IRAG1: variants seen among roughly 807,000 people sequenced by gnomAD.
IRAG1 encodes the protein inositol 1,4,5-triphosphate receptor associated 1.
A neutral mutation model predicts 106.2 loss-of-function variants in IRAG1; 62 were observed. The ratio of observed to expected loss-of-function variants is 0.58; its 90% confidence interval spans 0.48 to 0.72. IRAG1 has a LOEUF of 0.72. IRAG1 is among the 30% of genes least tolerant of loss of function. The pLI is 0.00. For synonymous variants in IRAG1, 462 were observed against 443.9 expected (o/e 1.04, Z -0.51); for missense variants, 1,064 against 1,140.7 (o/e 0.93, Z 0.97).
At chr11:10,680,368 A>AGAAGGAAGGAAGGAAGGAAGGAAG (rs1554935659) in intron 1 of IRAG1, among the ~76,000 whole-genome samples, 1 of 80,918 alleles carries the variant, frequency 1.2e-5, no homozygotes, top group Non-Finnish European at 2.3e-5. Flanking sequence ...AAAGAAAGAA[A>AGAAGGAAGGAAGGAAGGAAGGAAG]GAAGGAAGGA....
At chr11:10,625,852 G>A in intron 9 of IRAG1, 114 bp downstream of exon 9, 1 of 1,113,446 alleles carries the variant, frequency 9.0e-7, no homozygotes, top group Non-Finnish European at 1.2e-6. Flanking sequence ...CCCTCACAAG[G>A]CCCAAGTCCA....
rs527319002 is a variant in IRAG1, at chr11:10,597,661, G to A, written c.2017+3257C>T. Among the ~76,000 whole-genome samples the A allele has an allele frequency of 2.5e-3, 376 of 152,192 alleles. 1 individual carries two copies. Among genetic ancestry groups the A allele is most frequent in the Middle Eastern group, 0.014 (4 of 294 alleles). ...CGTGAGCCACTGTACCCAGCTACCT[G>A]TAACAATTTTAAGCTTATCTTAAAA... On this transcript the variant is annotated intron_variant, in intron 15 of 20. Coordinates refer to ENST00000423302, the MANE Select transcript of IRAG1 (RefSeq NM_130385.4).
Position 10,576,468 on chromosome 11 carries a change from A to T in IRAG1, c.2603T>A (p.Val868Glu). Residue 868 changes from valine (V) to glutamate (E), a missense_variant, in exon 21 of 21, where the codon GTG becomes GAG. Coordinates refer to ENST00000423302, the MANE Select transcript of IRAG1 (RefSeq NM_130385.4). ...MAAVMLVLTV[V>E]LGLYNSYNSC... ...GTTATAGGAATTGTAGAGCCCCAGC[A>T]CAACAGTCAAGACCAGCATCACTGC... is the stretch of plus-strand genomic sequence containing the variant. 6.2e-7 allele frequency: 1 copy of T among 1,614,034 alleles called. No homozygotes were observed. Among genetic ancestry groups the T allele is most frequent in the Non-Finnish European group, 8.5e-7 (1 of 1,179,884 alleles).
chr11:10,635,079 G>T (rs1234136739), intron 2 of IRAG1, among the ~76,000 whole-genome samples: 1 of 152,150 alleles, frequency 6.6e-6, no homozygotes, highest in African/African-American at 2.4e-5. Flanking sequence ...CTCAGATTGA[G>T]GCCAGCCTGG....
intron 4 of IRAG1, among the ~76,000 whole-genome samples, chr11:10,631,718 C>T (rs908406148): frequency 6.6e-6 from 1 of 152,220 alleles, no homozygotes; most frequent in African/African-American, 2.4e-5. Context: ...ACTCTGCCCC[C>T]TAAACCCCAG....
At chr11:10,578,699 G>C (rs1200547612) in intron 20 of IRAG1, among the ~76,000 whole-genome samples, 1 of 152,334 alleles carries the variant, frequency 6.6e-6, no homozygotes, top group East Asian at 1.9e-4. Flanking sequence ...ATGACCAGGA[G>C]CTGGACAGAA....
chr11:10,607,811 G>T (rs529241360), intron 11 of IRAG1, among the ~76,000 whole-genome samples: 2 of 152,298 alleles, frequency 1.3e-5, no homozygotes, highest in East Asian at 1.9e-4. Context: ...GTCAGGATGA[G>T]AAGACCCCAT....
intron 3 of IRAG1, among the ~76,000 whole-genome samples, chr11:10,633,075 C>CTTTTTTTT (rs34222717): frequency 8.0e-6 from 1 of 124,852 alleles, no homozygotes; most frequent in Non-Finnish European, 1.6e-5. Flanking sequence ...TTCTTTCTTT[C>CTTTTTTTT]TTTTTTTTTT....
In IRAG1 at chr11:10,629,524, T is replaced by C; in HGVS notation, c.574+14A>G. On this transcript the variant is annotated intron_variant, in intron 5 of 20. Transcript: ENST00000423302. ...GGGGCTCAGGGCAGCCACCTGTACA[T>C]CCTGCCACCCTACCTGATGGGGAGT... 1 of 1,609,786 alleles carries C rather than the reference T, an allele frequency of 6.2e-7. No homozygotes were observed.
At chr11:10,674,563 C>A (rs886515504) in intron 1 of IRAG1, among the ~76,000 whole-genome samples, 1 of 152,186 alleles carries the variant, frequency 6.6e-6, no homozygotes, top group African/African-American at 2.4e-5. Flanking sequence ...ACACCAGCAC[C>A]ACTCCTCTGG....
chr11:10,633,308 C>T (rs1334964124), intron 3 of IRAG1, among the ~76,000 whole-genome samples: 4 of 152,128 alleles, frequency 2.6e-5, no homozygotes, highest in Non-Finnish European at 5.9e-5. Context: ...ATCTCCTGAC[C>T]TCATGATTCA....
In IRAG1 at chr11:10,652,168, C is replaced by A. The variant is rs369102187; in HGVS notation, c.82G>T (p.Ala28Ser). ...NNSVLACGAQ[A>S]SWSIFGADAA... Reference sequence around the variant, plus strand: ...TCAGCCCCAAAGATGCTCCAAGAGGCCTGGGCTCCACAGGCTGGGGAGATG... The same window carrying A: ...TCAGCCCCAAAGATGCTCCAAGAGGACTGGGCTCCACAGGCTGGGGAGATG... Residue 28 changes from alanine (A) to serine (S), a missense_variant, in exon 2 of 21, where the codon GCC becomes TCC. Physicochemically the swap from Ala to Ser is moderately conservative, Grantham distance 99. Coordinates refer to ENST00000423302, the MANE Select transcript of IRAG1 (RefSeq NM_130385.4). The A allele has an allele frequency of 3.7e-6, 6 of 1,613,714 alleles. No homozygotes were observed. The highest frequency in any genetic ancestry group is 3.3e-5 in the Admixed American group (2 of 59,990).
Position 10,647,724 on chromosome 11 carries a change from G to T in IRAG1, c.225+4301C>A, listed in dbSNP as rs983718003. On this transcript the variant is annotated intron_variant, in intron 2 of 20. Coordinates refer to ENST00000423302, the MANE Select transcript of IRAG1 (RefSeq NM_130385.4). The surrounding 1 kb of genome is among the most constrained non-coding windows in gnomAD (Gnocchi z 4.3). ...ACTGTGGCTGCTGGTCACAGTCCAG[G>T]AACTCATCTAGGCCTAGGTAAGATT... is the stretch of plus-strand genomic sequence containing the variant. Among the ~76,000 whole-genome samples the T allele has an allele frequency of 6.6e-6, 1 of 152,126 alleles. No individual in the cohort carries two copies. Among genetic ancestry groups the T allele is most frequent in the Non-Finnish European group, 1.5e-5 (1 of 68,012 alleles).
intron 14 of IRAG1, 88 bp downstream of exon 14, chr11:10,603,032 G>C: frequency 6.9e-7 from 1 of 1,451,888 alleles, no homozygotes; most frequent in South Asian, 1.3e-5. Context: ...ACCTCTAAGT[G>C]GTATCTGTAG....
At position 10,673,173 on chromosome 11, in the gene IRAG1, C is replaced by T. The variant is rs959461733; in HGVS notation, c.67+20363G>A. On this transcript the variant is annotated intron_variant, in intron 1 of 20. Coordinates refer to ENST00000423302, the MANE Select transcript of IRAG1 (RefSeq NM_130385.4). The stretch of plus-strand genomic sequence containing the variant: ...TGCCGTGCGCCTGTAATTCCAGCTA[C>T]TCAGGAGGCTGAGGCATGAGAATTG... Among the ~76,000 whole-genome samples, 3 of 152,240 alleles carry T rather than the reference C, an allele frequency of 2.0e-5. No homozygotes were observed. In the South Asian group the frequency reaches 6.2e-4, roughly 32 times the overall value.
chr11:10,636,856 G>A (rs1277864168), intron 2 of IRAG1, among the ~76,000 whole-genome samples: 2 of 152,204 alleles, frequency 1.3e-5, no homozygotes, highest in Non-Finnish European at 2.9e-5. Context: ...TGGCCAAAGG[G>A]AATCGCATTA....
chr11:10,633,174 A>G (rs547386840), intron 3 of IRAG1, among the ~76,000 whole-genome samples: 4 of 146,914 alleles, frequency 2.7e-5, no homozygotes, highest in African/African-American at 1.0e-4. Context: ...TCCCGGGTTC[A>G]CGCCATTCTC....
chr11:10,606,098 A>G (rs1284419694), intron 12 of IRAG1, among the ~76,000 whole-genome samples: 1 of 152,224 alleles, frequency 6.6e-6, no homozygotes, highest in Non-Finnish European at 1.5e-5. Context: ...TATAGATACT[A>G]CCTGTGGTAG....
intron 1 of IRAG1, among the ~76,000 whole-genome samples, chr11:10,653,193 T>G (rs1858660890): frequency 6.6e-6 from 1 of 152,122 alleles, no homozygotes; most frequent in Non-Finnish European, 1.5e-5. Flanking sequence ...GGACACTATT[T>G]TGCTTCCATG....
Sources: allele counts gnomAD v4.1 joint callset (sites outside exome capture counted in the v4.1 genomes callset), GRCh38; gene constraint gnomAD v4.1.1; non-coding constraint Gnocchi (gnomAD v3.1); transcripts MANE v1.5; gene names NCBI Gene and HGNC (gene_info 2026-07-23, HGNC 2026-07-21).